The following EXOC6 variants were observed in gnomAD, a reference collection of about 807,000 sequenced individuals.
EXOC6 encodes SEC15-like 1.
EXOC6 carries 60 observed loss-of-function variants against 112.5 expected under a neutral mutation model. The observed-to-expected ratio is 0.53, with a 90% CI of 0.43 to 0.66. The LOEUF (loss-of-function observed/expected upper bound fraction) is 0.66. Among genes scored for constraint, EXOC6 ranks in the 30% least tolerant of loss-of-function variants. EXOC6 has a pLI of 0.00. For synonymous variants in EXOC6, 295 were observed against 308.0 expected, an observed-to-expected ratio of 0.96 and a Z score of 0.44; for missense variants, 855 against 957.1, an observed-to-expected ratio of 0.89 and a Z score of 1.41.
At chr10:92,946,245 A>G (rs1852992300) in intron 13 of EXOC6, among the ~76,000 whole-genome samples, 1 of 151,868 alleles carries the variant, frequency 6.6e-6, no homozygotes, top group African/African-American at 2.4e-5. Context: ...GCAGTGAGCC[A>G]AGATTGCGCC....
chr10:93,012,292 T>C (rs1844285352), intron 19 of EXOC6, among the ~76,000 whole-genome samples: 2 of 152,190 alleles, frequency 1.3e-5, no homozygotes, highest in African/African-American at 2.4e-5. Context: ...TAAGAATTCA[T>C]GTTAAAACTA....
At chr10:92,918,864 A>G (rs970708576) in intron 7 of EXOC6, among the ~76,000 whole-genome samples, 1 of 152,208 alleles carries the variant, frequency 6.6e-6, no homozygotes, top group Non-Finnish European at 1.5e-5. Flanking sequence ...ATGTGTATAT[A>G]TGTATATATA....
At chr10:92,973,314 A>C (rs1842370844) in intron 17 of EXOC6, among the ~76,000 whole-genome samples, 1 of 152,220 alleles carries the variant, frequency 6.6e-6, no homozygotes, top group African/African-American at 2.4e-5. Flanking sequence ...AGTACTGTAG[A>C]GCTGGAACAG....
At chr10:93,022,655 TG>T (rs1844839324) in intron 20 of EXOC6, among the ~76,000 whole-genome samples, 1 of 152,270 alleles carries the variant, frequency 6.6e-6, no homozygotes, top group East Asian at 1.9e-4. Flanking sequence ...CACCTATATT[TG>T]TTTTTTTGCT....
rs146965497 is a variant in EXOC6, at chr10:92,916,050, T to G, written c.819+137T>G. ...AAAAGTTGTCAGAGTCAAAATGGAGTCAGTGTGTCAAACTTTGACAAAATG... is the reference window on the plus strand; with the variant it reads ...AAAAGTTGTCAGAGTCAAAATGGAGGCAGTGTGTCAAACTTTGACAAAATG... On this transcript the variant is annotated intron_variant, in intron 7 of 21. Transcript: ENST00000260762. The G allele has an allele frequency of 5.1e-5, 30 of 592,166 alleles. No individual in the cohort carries two copies. The East Asian group carries it at 1.2e-3, about 23-fold the overall frequency. 36.7% of individuals were successfully genotyped at this position (592,166 alleles called of 1,614,324 possible).
At chr10:92,881,217 G>T (rs1347343882) in intron 1 of EXOC6, among the ~76,000 whole-genome samples, 1 of 152,124 alleles carries the variant, frequency 6.6e-6, no homozygotes, top group Non-Finnish European at 1.5e-5. Context: ...TTACATAGTG[G>T]ATGGCTTTCT....
At chr10:92,853,907 G>T (rs1847468839) in intron 1 of EXOC6, among the ~76,000 whole-genome samples, 1 of 150,326 alleles carries the variant, frequency 6.7e-6, no homozygotes, top group South Asian at 2.1e-4. Context: ...TATTGGACCA[G>T]AATTGAGAAT....
chr10:92,852,765 A>G (rs978327544), intron 1 of EXOC6, among the ~76,000 whole-genome samples: 2 of 152,186 alleles, frequency 1.3e-5, no homozygotes, highest in African/African-American at 4.8e-5. Flanking sequence ...GAAATTCCTC[A>G]GCTTAAAACA....
At chr10:93,004,753 G>T (rs1481056183) in intron 19 of EXOC6, among the ~76,000 whole-genome samples, 1 of 152,090 alleles carries the variant, frequency 6.6e-6, no homozygotes, top group Non-Finnish European at 1.5e-5. Context: ...ATTGCTTTCA[G>T]ATCAGTCTTA....
At chr10:93,040,950 G>T (rs1014936235) in intron 20 of EXOC6, among the ~76,000 whole-genome samples, 2 of 152,196 alleles carry the variant, frequency 1.3e-5, no homozygotes, top group African/African-American at 4.8e-5. Flanking sequence ...TGACCTAGGT[G>T]AGCTGACCCG....
At chr10:93,029,396 T>C (rs571651023) in intron 20 of EXOC6, among the ~76,000 whole-genome samples, 1 of 152,314 alleles carries the variant, frequency 6.6e-6, no homozygotes. Flanking sequence ...ACTTATAAAA[T>C]TGAATTTTTT....
chr10:93,017,451 T>C (rs1349696863), intron 20 of EXOC6, among the ~76,000 whole-genome samples: 1 of 151,652 alleles, frequency 6.6e-6, no homozygotes, highest in Non-Finnish European at 1.5e-5. Context: ...TAACCAGGCA[T>C]GGTGGCAGGT....
chr10:92,976,628 C>A (rs1240451268), intron 18 of EXOC6, among the ~76,000 whole-genome samples: 3 of 150,588 alleles, frequency 2.0e-5, no homozygotes, highest in Non-Finnish European at 3.0e-5. Flanking sequence ...CTGCCATCCC[C>A]CTCTGCGAGA....
chr10:93,004,333 T>C (rs1475727247), intron 19 of EXOC6, among the ~76,000 whole-genome samples: 3 of 152,034 alleles, frequency 2.0e-5, no homozygotes, highest in Admixed American at 6.6e-5. Context: ...TGTTTGTTTA[T>C]TGACTAAATT....
chr10:92,837,097 A>AACACACACACACAC (rs58871930), intron 1 of EXOC6, among the ~76,000 whole-genome samples: 244 of 139,848 alleles, frequency 1.7e-3, no homozygotes, highest in Non-Finnish European at 1.7e-3. Flanking sequence ...GTTATAACAT[A>AACACACACACACAC]ACACACACAC....
At chr10:93,043,477 T>C (rs1379357531) in intron 20 of EXOC6, among the ~76,000 whole-genome samples, 4 of 152,218 alleles carry the variant, frequency 2.6e-5, no homozygotes, top group African/African-American at 9.6e-5. Flanking sequence ...ATCAACAAAC[T>C]TTACCTCAAC....
chr10:92,841,774 G>A (rs1846862043), intron 1 of EXOC6, among the ~76,000 whole-genome samples: 2 of 152,188 alleles, frequency 1.3e-5, no homozygotes, highest in African/African-American at 2.4e-5. Context: ...GGAACCAGAA[G>A]GATATGGGTT....
In EXOC6 at chr10:93,014,318, C is replaced by A. The variant is rs1390721778; in HGVS notation, c.2169+51C>A. The A allele has an allele frequency of 3.5e-6, 5 of 1,416,352 alleles. No individual in the cohort carries two copies. In the African/African-American group the frequency reaches 4.3e-5, roughly 12 times the overall value. The allele number at this position is 1,416,352 out of a possible 1,614,324, so 87.7% of individuals were successfully genotyped here. ...TTTGTTGCCCTCTAACTCTTGCCCT[C>A]CCCTCACTTTTTTTTTTTATTAATG... On this transcript the variant is annotated intron_variant, in intron 20 of 21. Coordinates refer to ENST00000260762, the MANE Select transcript of EXOC6 (RefSeq NM_019053.6).
chr10:92,918,700 AG>A (rs1282197010), intron 7 of EXOC6, among the ~76,000 whole-genome samples: 1 of 152,192 alleles, frequency 6.6e-6, no homozygotes, highest in African/African-American at 2.4e-5. Context: ...CTGGGATTGT[AG>A]GCGTGAGCCA....
Sources: gnomAD v4.1 joint callset for allele counts (sites outside exome capture counted in the v4.1 genomes callset) on GRCh38, gnomAD v4.1.1 for gene constraint, MANE v1.5 for transcripts, NCBI Gene and HGNC (gene_info 2026-07-23, HGNC 2026-07-21) for gene names.